NREP: variants seen among roughly 807,000 people sequenced by gnomAD.
NREP encodes neuronal regeneration related protein.
A neutral mutation model predicts 8.6 loss-of-function variants in NREP; 5 were observed. The observed-to-expected ratio is 0.58, with a 90% confidence interval of 0.30 to 1.22. The LOEUF is 1.22. Among genes scored for constraint, NREP ranks in the 50% most tolerant of loss-of-function variants. The pLI is 0.07. For missense variants in NREP, 86 were observed against 82.5 expected (o/e 1.04, Z -0.17); for synonymous variants, 27 against 28.0 (o/e 0.96, Z 0.11).
intron 2 of NREP, among the ~76,000 whole-genome samples, chr5:111,886,435 C>T (rs1419994771): frequency 2.0e-5 from 3 of 152,102 alleles, no homozygotes; most frequent in African/African-American, 4.8e-5. Context: ...GGATCTAGAA[C>T]TAGAAATACT....
At chr5:111,907,418 A>T (rs1754805387) in intron 2 of NREP, among the ~76,000 whole-genome samples, 1 of 152,072 alleles carries the variant, frequency 6.6e-6, no homozygotes, top group Non-Finnish European at 1.5e-5. Flanking sequence ...CAGTTGTTCC[A>T]GCAACATTTT....
chr5:111,881,334 C>G (rs1018245634), intron 2 of NREP, among the ~76,000 whole-genome samples: 5 of 152,212 alleles, frequency 3.3e-5, no homozygotes, highest in African/African-American at 9.6e-5. Context: ...GAAGCTCCAA[C>G]TGGGTGGAGC....
intron 2 of NREP, among the ~76,000 whole-genome samples, chr5:111,876,636 C>A (rs17133843): frequency 0.048 from 7,235 of 152,268 alleles, 593 homozygotes; most frequent in African/African-American, 0.17. Flanking sequence ...GAAAGACCAT[C>A]ATCATTCTCT....
intron 2 of NREP, among the ~76,000 whole-genome samples, chr5:111,967,261 C>A (rs1422085762): frequency 6.7e-6 from 1 of 150,018 alleles, no homozygotes; most frequent in Non-Finnish European, 1.5e-5. Context: ...ACAGTAACTT[C>A]TCTCTCCTTT....
At chr5:111,886,733 A>C (rs1361529857) in intron 2 of NREP, among the ~76,000 whole-genome samples, 1 of 151,138 alleles carries the variant, frequency 6.6e-6, no homozygotes, top group African/African-American at 2.4e-5. Context: ...CAAAAAACCA[A>C]ACACCGCATA....
At chr5:111,777,797 C>T (rs1751400161) in intron 2 of NREP, among the ~76,000 whole-genome samples, 1 of 152,020 alleles carries the variant, frequency 6.6e-6, no homozygotes, top group African/African-American at 2.4e-5. Flanking sequence ...CACAGTTATA[C>T]TTTGTATAAC....
At chr5:111,821,839 C>G (rs1221655718) in intron 2 of NREP, among the ~76,000 whole-genome samples, 3 of 152,070 alleles carry the variant, frequency 2.0e-5, no homozygotes, top group African/African-American at 7.2e-5. Flanking sequence ...TAGAAGAACT[C>G]AGAAGAGGGT....
At chr5:111,731,554 A>T (rs1748581118) in intron 3 of NREP, among the ~76,000 whole-genome samples, 1 of 152,110 alleles carries the variant, frequency 6.6e-6, no homozygotes, top group Admixed American at 6.5e-5. Flanking sequence ...TGTATGGCTT[A>T]TTCTATGTGC....
At chr5:111,828,060 G>A (rs758637099) in intron 2 of NREP, among the ~76,000 whole-genome samples, 5 of 150,240 alleles carry the variant, frequency 3.3e-5, no homozygotes, top group African/African-American at 1.2e-4. Context: ...ACGGAGTTTC[G>A]CTCTTGTTTG....
At chr5:111,874,812 T>G (rs902188685) in intron 2 of NREP, among the ~76,000 whole-genome samples, 1 of 152,164 alleles carries the variant, frequency 6.6e-6, no homozygotes, top group Non-Finnish European at 1.5e-5. Context: ...CTCTCTTCTA[T>G]ACTCCCCATT....
intron 2 of NREP, among the ~76,000 whole-genome samples, chr5:111,929,765 T>C (rs1255740727): frequency 6.6e-6 from 1 of 152,180 alleles, no homozygotes; most frequent in Non-Finnish European, 1.5e-5. Flanking sequence ...AATCCTTTAC[T>C]TGCTCTCTGA....
intron 2 of NREP, among the ~76,000 whole-genome samples, chr5:111,745,095 CA>C (rs1235066997): frequency 1.3e-5 from 2 of 152,094 alleles, no homozygotes; most frequent in East Asian, 3.9e-4. Flanking sequence ...TAACTTTGGG[CA>C]GGTTTTCCAG....
At chr5:111,858,897 T>A (rs1274995419) in intron 2 of NREP, among the ~76,000 whole-genome samples, 1 of 151,948 alleles carries the variant, frequency 6.6e-6, no homozygotes, top group Non-Finnish European at 1.5e-5. Flanking sequence ...TTAGTAATTA[T>A]CACAAAAACC....
At chr5:111,815,918 G>A (rs147579055) in intron 2 of NREP, among the ~76,000 whole-genome samples, 127 of 152,196 alleles carry the variant, frequency 8.3e-4, no homozygotes, top group South Asian at 1.5e-3. Context: ...TAGTCACACC[G>A]AAGTGAAACT....
intron 2 of NREP, among the ~76,000 whole-genome samples, chr5:111,914,605 A>G (rs1026221503): frequency 1.1e-4 from 16 of 152,022 alleles, no homozygotes; most frequent in Admixed American, 9.8e-4. Flanking sequence ...GTTATAAATG[A>G]CCCTGTCTCC....
At chr5:111,960,261 C>T (rs1469696798) in intron 2 of NREP, among the ~76,000 whole-genome samples, 1 of 152,054 alleles carries the variant, frequency 6.6e-6, no homozygotes, top group Non-Finnish European at 1.5e-5. Flanking sequence ...ATTCAACATC[C>T]CAAAGCCTGA....
intron 2 of NREP, among the ~76,000 whole-genome samples, chr5:111,947,091 A>G (rs1013297480): frequency 2.0e-5 from 3 of 152,106 alleles, no homozygotes; most frequent in Admixed American, 6.6e-5. Flanking sequence ...CTTAACAAAA[A>G]TAACTTTGAC....
chr5:111,976,773 G>C (rs1756977422), exon 1 of NREP: 6 of 1,545,152 alleles, frequency 3.9e-6, no homozygotes, highest in Non-Finnish European at 5.3e-6. Flanking sequence ...ATAAAGTTCA[G>C]TCTTTAAAGG....
intron 2 of NREP, among the ~76,000 whole-genome samples, chr5:111,971,169 C>G (rs1756806395): frequency 6.6e-6 from 1 of 152,154 alleles, no homozygotes; most frequent in Non-Finnish European, 1.5e-5. Flanking sequence ...GAGATGTACA[C>G]TGTAGTACTT....
Sources: allele counts gnomAD v4.1 joint callset (sites outside exome capture counted in the v4.1 genomes callset), GRCh38; gene constraint gnomAD v4.1.1; transcripts MANE v1.5; gene names NCBI Gene and HGNC (gene_info 2026-07-23, HGNC 2026-07-21).